Variants in MIPOL1 observed in about 807,000 individuals in gnomAD.
MIPOL1 encodes the protein mirror-image polydactyly gene 1 protein.
In MIPOL1, 57 loss-of-function variants were observed where a neutral mutation model predicts 60.9. That is an observed-to-expected ratio of 0.94 (90% confidence interval 0.76 to 1.17). The LOEUF is 1.17. MIPOL1 is among the 50% of genes most tolerant of loss of function. The pLI, the probability that MIPOL1 is intolerant of heterozygous loss-of-function variation, is 0.00. For synonymous variants in MIPOL1, 179 were observed against 168.8 expected (o/e 1.06, Z -0.47); for missense variants, 551 against 511.6 (o/e 1.08, Z -0.74).
intron 11 of MIPOL1, among the ~76,000 whole-genome samples, chr14:37,450,950 A>G (rs1188603630): frequency 6.6e-6 from 1 of 152,194 alleles, no homozygotes; most frequent in Non-Finnish European, 1.5e-5. Context: ...ATTTTTAAGA[A>G]GCCTTGTACC....
At chr14:37,401,845 G>A (rs577941239) in intron 10 of MIPOL1, 5 of 152,170 alleles carry the variant, frequency 3.3e-5, no homozygotes, top group African/African-American at 9.6e-5. Context: ...TGTGTGCTAA[G>A]GAAGAGTTCT....
intron 11 of MIPOL1, among the ~76,000 whole-genome samples, chr14:37,452,016 C>T (rs2153575674): frequency 4.0e-5 from 6 of 151,308 alleles, no homozygotes; most frequent in Middle Eastern, 6.8e-3. Flanking sequence ...GGGGTTTCAC[C>T]GTGTTAGCCA....
intron 11 of MIPOL1, among the ~76,000 whole-genome samples, chr14:37,491,298 G>A (rs1566706292): frequency 6.6e-6 from 1 of 152,200 alleles, no homozygotes; most frequent in Non-Finnish European, 1.5e-5. Context: ...AGAGGCCGAG[G>A]TAAGTGGATC....
At chr14:37,217,628 G>A (rs1362333505) in intron 1 of MIPOL1, among the ~76,000 whole-genome samples, 5 of 152,162 alleles carry the variant, frequency 3.3e-5, no homozygotes, top group African/African-American at 4.8e-5. Context: ...TGAGCAGAAC[G>A]AAGGATAAAA....
At chr14:37,473,529 C>G (rs947552908) in intron 11 of MIPOL1, among the ~76,000 whole-genome samples, 2 of 152,100 alleles carry the variant, frequency 1.3e-5, no homozygotes, top group African/African-American at 4.8e-5. Flanking sequence ...TTCACTCCTA[C>G]TCTGTGTGTG....
chr14:37,312,391 G>A (rs1281564609), intron 9 of MIPOL1, among the ~76,000 whole-genome samples: 1 of 152,112 alleles, frequency 6.6e-6, no homozygotes, highest in Non-Finnish European at 1.5e-5. Flanking sequence ...GATTACAGTT[G>A]TGAGCCACCT....
intron 10 of MIPOL1, among the ~76,000 whole-genome samples, chr14:37,418,854 A>G (rs1291374002): frequency 1.3e-5 from 2 of 152,094 alleles, no homozygotes; most frequent in Non-Finnish European, 2.9e-5. Flanking sequence ...TTTTAAAGCG[A>G]TATCATTATA....
At chr14:37,228,040 A>T (rs995031671) in intron 1 of MIPOL1, among the ~76,000 whole-genome samples, 1 of 152,120 alleles carries the variant, frequency 6.6e-6, no homozygotes, top group South Asian at 2.1e-4. Flanking sequence ...ATCTCTTTTC[A>T]TTACTCCAGC....
intron 9 of MIPOL1, among the ~76,000 whole-genome samples, chr14:37,335,923 A>G (rs1045192781): frequency 6.6e-6 from 1 of 151,956 alleles, no homozygotes; most frequent in East Asian, 1.9e-4. Flanking sequence ...GTCCAATTTT[A>G]TCTTTAGCTG....
intron 9 of MIPOL1, among the ~76,000 whole-genome samples, chr14:37,315,550 A>T (rs1400254629): frequency 1.3e-5 from 2 of 152,162 alleles, no homozygotes; most frequent in African/African-American, 4.8e-5. Context: ...TTTTGAAAGT[A>T]CGATAAGTAG....
intron 10 of MIPOL1, among the ~76,000 whole-genome samples, chr14:37,377,245 A>G (rs1387900177): frequency 6.6e-6 from 1 of 152,072 alleles, no homozygotes. Context: ...TTTTCTTTTT[A>G]CCAGTGAGTC....
chr14:37,434,850 C>CAAA (rs71127219), intron 11 of MIPOL1, among the ~76,000 whole-genome samples: 1 of 111,732 alleles, frequency 8.9e-6, no homozygotes, highest in Non-Finnish European at 1.9e-5. Context: ...TTAATCACAG[C>CAAA]AAAAAAAAAA....
intron 9 of MIPOL1, among the ~76,000 whole-genome samples, chr14:37,343,797 G>A (rs1204817046): frequency 9.9e-5 from 15 of 152,008 alleles, no homozygotes; most frequent in Admixed American, 9.8e-4. Flanking sequence ...GTAAATATTG[G>A]CTAAATTTAT....
intron 6 of MIPOL1, among the ~76,000 whole-genome samples, chr14:37,280,746 C>T (rs1033945975): frequency 6.6e-6 from 1 of 152,186 alleles, no homozygotes; most frequent in African/African-American, 2.4e-5. Context: ...GCAACCTCCA[C>T]CTCCTGGGTT....
chr14:37,305,747 A>G (rs1371788455), intron 7 of MIPOL1, among the ~76,000 whole-genome samples: 1 of 151,824 alleles, frequency 6.6e-6, no homozygotes, highest in Non-Finnish European at 1.5e-5. Flanking sequence ...CAAATCTTGA[A>G]GTAATCATTT....
At chr14:37,295,395 A>G (rs976692244) in intron 7 of MIPOL1, among the ~76,000 whole-genome samples, 1 of 152,240 alleles carries the variant, frequency 6.6e-6, no homozygotes, top group Non-Finnish European at 1.5e-5. Flanking sequence ...AACTGCATCA[A>G]CTAATAAGCA....
intron 11 of MIPOL1, among the ~76,000 whole-genome samples, chr14:37,426,430 G>A (rs1252367535): frequency 6.6e-6 from 1 of 151,242 alleles, no homozygotes; most frequent in Non-Finnish European, 1.5e-5. Context: ...TTAGCCAGGT[G>A]TAGTGGCGGA....
chr14:37,335,106 C>T (rs2090005244), intron 9 of MIPOL1, among the ~76,000 whole-genome samples: 1 of 151,954 alleles, frequency 6.6e-6, no homozygotes, highest in Admixed American at 6.6e-5. Context: ...GTACCTTTAC[C>T]ATTTTACATT....
At chr14:37,450,194 C>A (rs1398790917) in intron 11 of MIPOL1, among the ~76,000 whole-genome samples, 3 of 152,072 alleles carry the variant, frequency 2.0e-5, no homozygotes, top group Non-Finnish European at 4.4e-5. Flanking sequence ...TTTATGAGGT[C>A]TCCCTTTACG....
Sources: gnomAD v4.1 joint callset for allele counts (sites outside exome capture counted in the v4.1 genomes callset) on GRCh38, gnomAD v4.1.1 for gene constraint, MANE v1.5 for transcripts, NCBI Gene and HGNC (gene_info 2026-07-23, HGNC 2026-07-21) for gene names.